CEP164: variants seen among roughly 807,000 people sequenced by gnomAD.
CEP164 encodes centrosomal protein of 164 kDa.
A neutral mutation model predicts 182.7 loss-of-function variants in CEP164; 162 were observed. The ratio of observed to expected loss-of-function variants is 0.89; its 90% CI spans 0.78 to 1.01. The LOEUF (loss-of-function observed/expected upper bound fraction) is 1.01. CEP164 is among the 50% of genes least tolerant of loss of function. The pLI is 0.00. For synonymous variants in CEP164, 661 were observed against 690.0 expected (o/e 0.96, Z 0.66); for missense variants, 1,735 against 1,790.4 (o/e 0.97, Z 0.56).
chr11:117,407,769 T>C (rs1250706450), intron 27 of CEP164, among the ~76,000 whole-genome samples, 156 bp from the exon 28 acceptor site: 1 of 152,268 alleles, frequency 6.6e-6, no homozygotes, highest in Non-Finnish European at 1.5e-5. Context: ...TCTCTTGTAA[T>C]TCTTACGACC....
upstream of CEP164, among the ~76,000 whole-genome samples, chr11:117,323,638 T>G (rs577642188): frequency 6.1e-4 from 93 of 152,256 alleles, no homozygotes; most frequent in Middle Eastern, 3.4e-3. Flanking sequence ...GATTGTGTGG[T>G]AGTTCTATTT....
At chr11:117,347,955 T>G (rs746202713) in intron 4 of CEP164, among the ~76,000 whole-genome samples, 2 of 151,400 alleles carry the variant, frequency 1.3e-5, no homozygotes, top group Non-Finnish European at 2.9e-5. Context: ...CTGAAGTTGG[T>G]TTGTTGTTGT....
At chr11:117,339,427 A>G (rs1386792352) in intron 3 of CEP164, among the ~76,000 whole-genome samples, 1 of 151,334 alleles carries the variant, frequency 6.6e-6, no homozygotes, top group African/African-American at 2.4e-5. Flanking sequence ...CAACAATAAC[A>G]TTATTAGTAA....
chr11:117,412,039 A>G (rs780173132), intron 32 of CEP164, 33 bp from the exon 33 acceptor site: 2 of 1,613,026 alleles, frequency 1.2e-6, no homozygotes. Flanking sequence ...GGCTATGCCC[A>G]GCGACTGCAG....
Position 117,411,199 on chromosome 11 carries a change from GC to G in CEP164, c.4163+310del. On this transcript the variant is annotated intron_variant, in intron 31 of 32. Transcript: ENST00000278935. The surrounding 1 kb of genome is among the most constrained non-coding windows in gnomAD (Gnocchi z 4.4). ...AGGAGTCAGCCCCTGGTGGGACCCT[GC>G]CCCCGCCCCTCCCTCTAGCCCCTCC... 2.7e-6 allele frequency: 1 copy of G among 365,474 alleles called. No homozygotes were observed. Among genetic ancestry groups the G allele is most frequent in the South Asian group, 3.9e-5 (1 of 25,632 alleles). The allele number at this position is 365,474 out of a possible 1,614,324, so 22.6% of individuals were successfully genotyped here.
At chr11:117,378,213 T>C (rs191610094) in intron 11 of CEP164, among the ~76,000 whole-genome samples, 770 of 152,318 alleles carry the variant, frequency 5.1e-3, no homozygotes, top group Admixed American at 9.3e-3. Flanking sequence ...ATTATAAAAT[T>C]GTTTCAAGTA....
At chr11:117,322,550 T>C (rs1016440962) in intron 1 of CEP164, among the ~76,000 whole-genome samples, 5 of 151,882 alleles carry the variant, frequency 3.3e-5, no homozygotes, top group African/African-American at 1.2e-4. Flanking sequence ...AATTTATTCC[T>C]CCTTTTCCTT....
At position 117,363,668 on chromosome 11, in the gene CEP164, A is replaced by G. The variant is rs181192172; in HGVS notation, c.765+162A>G. The stretch of plus-strand genomic sequence containing the variant: ...GGGGTTTGGGGAAGGACAAGAATAA[A>G]TGAATGGATTCCTGTCCCTTCCAGA... On this transcript the variant is annotated intron_variant, in intron 8 of 32. Transcript: ENST00000278935. 2.6e-5 allele frequency among the ~76,000 whole-genome samples: 4 copies of G among 151,910 alleles called. No individual in the cohort carries two copies. Among genetic ancestry groups the G allele is most frequent in the Non-Finnish European group, 5.9e-5 (4 of 67,986 alleles).
intron 1 of CEP164, among the ~76,000 whole-genome samples, chr11:117,329,582 C>T (rs2035867285): frequency 6.6e-6 from 1 of 152,136 alleles, no homozygotes; most frequent in Non-Finnish European, 1.5e-5. Context: ...TGCTCTGTCG[C>T]CCAGGCTGGA....
chr11:117,367,528 A>T (rs924204217), intron 8 of CEP164, among the ~76,000 whole-genome samples: 2 of 151,760 alleles, frequency 1.3e-5, no homozygotes, highest in Non-Finnish European at 2.9e-5. Context: ...TCTCTTTTTA[A>T]TTTTTTTTTA....
intron 27 of CEP164, among the ~76,000 whole-genome samples, chr11:117,407,230 AG>A (rs2046792440): frequency 6.6e-6 from 1 of 152,176 alleles, no homozygotes; most frequent in Non-Finnish European, 1.5e-5. Context: ...GCAGCTTCCC[AG>A]GGTTATATAC....
At position 117,409,805 on chromosome 11, in the gene CEP164, C is replaced by A; in HGVS notation, c.3936C>A (p.Pro1312=). ...PPRDPKSTPT[P]TYYGSLARFS... ...GGGACCCTAAGAGCACCCCCACCCC[C>A]ACCTACTATGGCTCCCTGGCCAGGT... The change falls in exon 30 of 33, where the codon CCC becomes CCA. Residue 1312 remains proline, a synonymous_variant. Coordinates refer to ENST00000278935, the MANE Select transcript of CEP164 (RefSeq NM_014956.5). This position sits in a 1 kb window ranked among gnomAD's most constrained non-coding sequence, Gnocchi z 4.4. 6.2e-7 allele frequency: 1 copy of A among 1,612,050 alleles called. No homozygotes were observed. Among genetic ancestry groups the A allele is most frequent in the Non-Finnish European group, 8.5e-7 (1 of 1,179,070 alleles).
Position 117,411,621 on chromosome 11 carries a change from A to C in CEP164, c.4164-174A>C. ...GCCTCCACCACTTTCCCGTTTGGGA[A>C]CTGTTCTGGAGGGGCAGATGTTTTG... On this transcript the variant is annotated intron_variant, in intron 31 of 32. Transcript: ENST00000278935. The surrounding 1 kb of genome is among the most constrained non-coding windows in gnomAD (Gnocchi z 4.4). 2 of 821,844 alleles carry C rather than the reference A, an allele frequency of 2.4e-6. No homozygotes were observed. The highest frequency in any genetic ancestry group is 3.7e-6 in the Non-Finnish European group (2 of 546,422). 50.9% of individuals were successfully genotyped at this position (821,844 alleles called of 1,614,324 possible).
intron 1 of CEP164, among the ~76,000 whole-genome samples, chr11:117,322,757 ATTTTTTTTTTTTTT>A (rs34284352): frequency 2.1e-5 from 1 of 47,732 alleles, no homozygotes; most frequent in Admixed American, 3.5e-4. Context: ...ATATAGATAG[ATTTTTTTTTTTTTT>A]TTTTTTTTTT....
At position 117,397,187 on chromosome 11, in the gene CEP164, G is replaced by A; in HGVS notation, c.3375G>A (p.Arg1125=). The A allele has an allele frequency of 1.9e-6, 3 of 1,614,158 alleles. No homozygotes were observed. The highest frequency in any genetic ancestry group is 2.5e-6 in the Non-Finnish European group (3 of 1,179,962). ...TTGTGCAGCAGACACGCTCCATGCGGAGGCGGCAGACAGCTCTGAAAGCTG... is the reference window on the plus strand; with the variant it reads ...TTGTGCAGCAGACACGCTCCATGCGAAGGCGGCAGACAGCTCTGAAAGCTG... ...EFLVQQTRSM[R]RRQTALKAAQ... Residue 1125 remains arginine (R), a synonymous_variant, in exon 27 of 33, where the codon CGG becomes CGA. Transcript: ENST00000278935.
intron 4 of CEP164, among the ~76,000 whole-genome samples, chr11:117,346,709 C>A (rs1407086917): frequency 6.6e-6 from 1 of 151,888 alleles, no homozygotes; most frequent in East Asian, 1.9e-4. Context: ...GTAGAAAATT[C>A]AAAAATTAGC....
At position 117,391,057 on chromosome 11, in the gene CEP164, G is replaced by T; in HGVS notation, c.2125G>T (p.Ala709Ser). 6.2e-7 allele frequency: 1 copy of T among 1,614,150 alleles called. No homozygotes were observed. The highest frequency in any genetic ancestry group is 8.5e-7 in the Non-Finnish European group (1 of 1,180,034). ...AGAAGAGTTGGAGTCTCAACAGAAGGCTGAGAGGGCCAGCTTGGAACAGAA... is the reference window on the plus strand; with the variant it reads ...AGAAGAGTTGGAGTCTCAACAGAAGTCTGAGAGGGCCAGCTTGGAACAGAA... ...LREELESQQK[A>S]ERASLEQKNR... The change falls in exon 17 of 33, where the codon GCT (alanine) becomes TCT (serine). Residue 709 changes from alanine (A) to serine (S), a missense_variant. Physicochemically the swap from Ala to Ser is moderately conservative, Grantham distance 99 (BLOSUM62 1). Transcript: ENST00000278935.
chr11:117,331,248 T>C (rs1289631395), intron 1 of CEP164, among the ~76,000 whole-genome samples: 1 of 152,234 alleles, frequency 6.6e-6, no homozygotes, highest in Non-Finnish European at 1.5e-5. Flanking sequence ...CTGGGAATAC[T>C]TAGCCTACCT....
chr11:117,379,726 C>A (rs920817219), intron 11 of CEP164, among the ~76,000 whole-genome samples: 1 of 151,918 alleles, frequency 6.6e-6, no homozygotes, highest in Non-Finnish European at 1.5e-5. Flanking sequence ...AGAGCTAGAA[C>A]AAAGGGTTGA....
Sources: gnomAD v4.1 joint callset for allele counts (sites outside exome capture counted in the v4.1 genomes callset) on GRCh38, gnomAD v4.1.1 for gene constraint, Gnocchi (gnomAD v3.1) non-coding constraint, MANE v1.5 for transcripts, NCBI Gene and HGNC (gene_info 2026-07-23, HGNC 2026-07-21) for gene names.